Variants in TPRG1 observed in about 807,000 individuals in gnomAD.
TPRG1 encodes the protein tumor protein p63-regulated gene 1 protein.
A neutral mutation model predicts 29.3 loss-of-function variants in TPRG1; 29 were observed. The observed-to-expected ratio is 0.99, with a 90% CI of 0.74 to 1.35. The LOEUF is 1.35. Ranked by LOEUF, TPRG1 falls within the 40% of genes most tolerant of loss-of-function variation. The pLI is 0.00. For synonymous variants in TPRG1, 130 were observed against 116.8 expected (o/e 1.11, Z -0.73); for missense variants, 327 against 335.0 (o/e 0.98, Z 0.19).
chr3:188,999,699 C>A (rs848993), intron 1 of TPRG1, among the ~76,000 whole-genome samples: 134,737 of 152,092 alleles, frequency 0.89, 61,647 homozygotes, highest in Non-Finnish European at 1. Context: ...ATATTTATTA[C>A]TTTTTTTATT....
At chr3:189,226,642 A>G (rs1737759417) in intron 3 of TPRG1, among the ~76,000 whole-genome samples, 1 of 151,940 alleles carries the variant, frequency 6.6e-6, no homozygotes. Context: ...AAAGAAATGA[A>G]AAGTGAGTAG....
chr3:189,051,491 A>C (rs1361075626), intron 4 of TPRG1, among the ~76,000 whole-genome samples: 1 of 152,226 alleles, frequency 6.6e-6, no homozygotes, highest in Non-Finnish European at 1.5e-5. Context: ...GGATGGGTAG[A>C]ATCAATATTG....
chr3:189,073,301 A>G lies in TPRG1; in HGVS notation c.-463+49355A>G, dbSNP rs531200983. Among the ~76,000 whole-genome samples the G allele has an allele frequency of 4.5e-4, 69 of 152,314 alleles. 1 individual carries two copies. Among genetic ancestry groups the G allele is most frequent in the African/African-American group, 1.6e-3 (67 of 41,578 alleles). Reference sequence around the variant, plus strand: ...CTTCCTTCCAAGAACTCTGGCTTCCAGGGATATCTGTATATTTGCTCTTTT... The same window carrying G: ...CTTCCTTCCAAGAACTCTGGCTTCCGGGGATATCTGTATATTTGCTCTTTT... On this transcript the variant is annotated intron_variant, in intron 4 of 10. Coordinates refer to the TPRG1 transcript ENST00000433971.
chr3:189,040,511 C>T (rs894118713), intron 4 of TPRG1, among the ~76,000 whole-genome samples: 3 of 151,882 alleles, frequency 2.0e-5, no homozygotes, highest in Admixed American at 6.6e-5. Flanking sequence ...AAAATACCAC[C>T]TCAGGCCATT....
At chr3:189,212,773 T>G (rs1371169156) in intron 2 of TPRG1, among the ~76,000 whole-genome samples, 2 of 152,198 alleles carry the variant, frequency 1.3e-5, no homozygotes, top group East Asian at 3.9e-4. Flanking sequence ...GCAGAGACAT[T>G]CTTTTCTATA....
At chr3:189,059,281 CAATT>C (rs1393661681) in intron 4 of TPRG1, among the ~76,000 whole-genome samples, 2 of 152,210 alleles carry the variant, frequency 1.3e-5, no homozygotes, top group East Asian at 3.9e-4. Flanking sequence ...AATATTAACT[CAATT>C]AAATCTTAGA....
At chr3:189,067,687 G>A (rs1379540339) in intron 4 of TPRG1, among the ~76,000 whole-genome samples, 4 of 152,150 alleles carry the variant, frequency 2.6e-5, no homozygotes, top group African/African-American at 9.7e-5. Context: ...ATGGATTGAA[G>A]GCTTAAATGT....
At chr3:189,291,190 C>T (rs970465627) in intron 4 of TPRG1, among the ~76,000 whole-genome samples, 40 of 152,042 alleles carry the variant, frequency 2.6e-4, no homozygotes, top group Non-Finnish European at 1.3e-4. Context: ...GGTGAGCCAC[C>T]GCACCCAGCC....
At chr3:189,210,193 C>T (rs575714495) in intron 2 of TPRG1, among the ~76,000 whole-genome samples, 55 of 152,092 alleles carry the variant, frequency 3.6e-4, no homozygotes, top group African/African-American at 1.0e-3. Context: ...ATAGATAAAA[C>T]GCCATTTTTA....
At chr3:189,274,468 A>T (rs970085342) in intron 4 of TPRG1, among the ~76,000 whole-genome samples, 1 of 152,152 alleles carries the variant, frequency 6.6e-6, no homozygotes, top group African/African-American at 2.4e-5. Context: ...ATTGTACAGA[A>T]CTTAAATAAG....
At chr3:189,317,515 A>G (rs941136991) in intron 5 of TPRG1, among the ~76,000 whole-genome samples, 1 of 152,196 alleles carries the variant, frequency 6.6e-6, no homozygotes, top group Non-Finnish European at 1.5e-5. Context: ...CTTTACAACC[A>G]CCTGATAAGT....
chr3:189,244,541 G>C (rs918539781), intron 4 of TPRG1, among the ~76,000 whole-genome samples: 1 of 152,136 alleles, frequency 6.6e-6, no homozygotes, highest in African/African-American at 2.4e-5. Context: ...AGGGAACAAG[G>C]CATCTCACAT....
chr3:189,051,371 A>AG (rs1169149746), intron 4 of TPRG1, among the ~76,000 whole-genome samples: 1 of 152,184 alleles, frequency 6.6e-6, no homozygotes, highest in Non-Finnish European at 1.5e-5. Context: ...AAACCACCTT[A>AG]GGAATATACA....
At chr3:189,291,072 T>A (rs1718930569) in intron 4 of TPRG1, among the ~76,000 whole-genome samples, 1 of 152,078 alleles carries the variant, frequency 6.6e-6, no homozygotes, top group African/African-American at 2.4e-5. Flanking sequence ...TGGCTAATTT[T>A]TTTTATTTTT....
chr3:189,067,234 T>G (rs1276897287), intron 4 of TPRG1, among the ~76,000 whole-genome samples: 3 of 152,216 alleles, frequency 2.0e-5, no homozygotes, highest in African/African-American at 7.2e-5. Flanking sequence ...ATTGTTATAA[T>G]GTTCATACTA....
chr3:189,300,548 G>A (rs1448363390), intron 4 of TPRG1, among the ~76,000 whole-genome samples: 1 of 152,108 alleles, frequency 6.6e-6, no homozygotes, highest in African/African-American at 2.4e-5. Flanking sequence ...TTAGTGCCAG[G>A]GTAATGAACT....
At chr3:189,072,081 G>A (rs1347469053) in intron 4 of TPRG1, among the ~76,000 whole-genome samples, 3 of 151,894 alleles carry the variant, frequency 2.0e-5, no homozygotes, top group Non-Finnish European at 4.4e-5. Flanking sequence ...TGATGATGGA[G>A]AAAAAAAGGA....
Position 189,043,098 on chromosome 3 carries a change from G to A in TPRG1, c.-463+19152G>A, listed in dbSNP as rs564271940. ...TATAAGGCCTTTCTACTTTCACCTTGTTTCACAAGGTCACAATTAAATGGG... is the reference window on the plus strand; with the variant it reads ...TATAAGGCCTTTCTACTTTCACCTTATTTCACAAGGTCACAATTAAATGGG... On this transcript the variant is annotated intron_variant, in intron 4 of 10. Transcript: ENST00000433971. Among the ~76,000 whole-genome samples, 6 of 152,266 alleles carry A rather than the reference G, an allele frequency of 3.9e-5. No homozygotes were observed. In the South Asian group the frequency reaches 6.2e-4, roughly 16 times the overall value.
intron 1 of TPRG1, among the ~76,000 whole-genome samples, chr3:189,115,175 G>C (rs1721023560): frequency 6.6e-6 from 1 of 152,178 alleles, no homozygotes; most frequent in Non-Finnish European, 1.5e-5. Flanking sequence ...GAAGGAAGAA[G>C]GCATTTTCTA....
Sources: allele counts gnomAD v4.1 joint callset (sites outside exome capture counted in the v4.1 genomes callset), GRCh38; gene constraint gnomAD v4.1.1; transcripts MANE v1.5; gene names NCBI Gene and HGNC (gene_info 2026-07-23, HGNC 2026-07-21).